The following MAF variants were observed in gnomAD, a reference collection of about 807,000 sequenced individuals.
MAF encodes MAF bZIP transcription factor.
MAF carries 10 observed loss-of-function variants against 22.0 expected under a neutral mutation model. The ratio of observed to expected loss-of-function variants is 0.45; its 90% CI spans 0.28 to 0.77. The LOEUF (loss-of-function observed/expected upper bound fraction) is 0.77. MAF is among the 30% of genes least tolerant of loss of function. The pLI, the probability that MAF is intolerant of heterozygous loss-of-function variation, is 0.12. For missense variants in MAF, 544 were observed against 548.4 expected, an observed-to-expected ratio of 0.99 and a Z score of 0.08; for synonymous variants, 337 against 255.8, an observed-to-expected ratio of 1.32 and a Z score of -3.03.
the MAF span, among the ~76,000 whole-genome samples, chr16:79,398,982 G>A: frequency 6.6e-6 from 1 of 152,166 alleles, no homozygotes; most frequent in Non-Finnish European, 1.5e-5. Context: ...TGGACTGTGG[G>A]TTCCAAAGGG....
At chr16:79,231,074 T>A in the MAF span, among the ~76,000 whole-genome samples, 4 of 152,210 alleles carry the variant, frequency 2.6e-5, no homozygotes, top group East Asian at 7.7e-4. Flanking sequence ...TATAGTCTTA[T>A]TAGTTTTGCC....
the MAF span, among the ~76,000 whole-genome samples, chr16:79,374,258 T>C: frequency 2.0e-5 from 3 of 152,340 alleles, no homozygotes; most frequent in East Asian, 1.9e-4. Flanking sequence ...TTGGAATTAA[T>C]GGTGCCATTT....
At chr16:79,541,091 T>C in the MAF span, among the ~76,000 whole-genome samples, 174 of 152,302 alleles carry the variant, frequency 1.1e-3, 1 homozygote, top group African/African-American at 3.9e-3. Flanking sequence ...CTATTCCTGT[T>C]ACTACTAGAG....
the MAF span, among the ~76,000 whole-genome samples, chr16:79,550,928 G>A: frequency 3.3e-5 from 5 of 152,094 alleles, no homozygotes; most frequent in African/African-American, 1.2e-4. Context: ...CAGCATATGG[G>A]GCCACTGCAG....
the MAF span, among the ~76,000 whole-genome samples, chr16:79,567,319 AG>A: frequency 3.8e-5 from 5 of 132,068 alleles, no homozygotes; most frequent in Non-Finnish European, 3.3e-5. Flanking sequence ...ACTCCACCTC[AG>A]AAAAAAAAAA....
At chr16:79,205,166 CT>C in the MAF span, 1 of 152,300 alleles carries the variant, frequency 6.6e-6, no homozygotes, top group Non-Finnish European at 1.5e-5. Flanking sequence ...ACTCTTCCCC[CT>C]GCATGCGTTT....
the MAF span, among the ~76,000 whole-genome samples, chr16:79,447,744 T>C: frequency 4.0e-5 from 6 of 151,756 alleles, no homozygotes; most frequent in African/African-American, 1.2e-4. Context: ...ACTGCAGATG[T>C]GATGGAATTA....
At chr16:79,540,560 T>C in the MAF span, among the ~76,000 whole-genome samples, 1 of 152,182 alleles carries the variant, frequency 6.6e-6, no homozygotes, top group Non-Finnish European at 1.5e-5. Context: ...ACCCTGCTCA[T>C]GGTCAACAAT....
the MAF span, among the ~76,000 whole-genome samples, chr16:79,488,262 C>A: frequency 1.3e-5 from 2 of 152,132 alleles, no homozygotes; most frequent in African/African-American, 2.4e-5. Context: ...GAAAATCAAA[C>A]CTTGTGAGGA....
At chr16:79,377,140 A>T in the MAF span, among the ~76,000 whole-genome samples, 1 of 152,202 alleles carries the variant, frequency 6.6e-6, no homozygotes, top group African/African-American at 2.4e-5. Flanking sequence ...AGTCCCACCA[A>T]CGGTGTAAAA....
chr16:79,452,009 A>G, the MAF span, among the ~76,000 whole-genome samples: 6 of 151,492 alleles, frequency 4.0e-5, no homozygotes, highest in Non-Finnish European at 7.4e-5. Flanking sequence ...ACCTGGGGCC[A>G]AATCCCATCC....
chr16:79,569,430 T>G, the MAF span, among the ~76,000 whole-genome samples: 1 of 152,172 alleles, frequency 6.6e-6, no homozygotes, highest in South Asian at 2.1e-4. Context: ...GGTCTTTAAC[T>G]CCTCTATCAG....
chr16:79,211,468 C>T, the MAF span: 1 of 1,040,596 alleles, frequency 9.6e-7, no homozygotes, highest in Non-Finnish European at 1.5e-6. Context: ...GCTTTCAGCC[C>T]AGTACCCTTT....
chr16:79,300,992 G>A, the MAF span, among the ~76,000 whole-genome samples: 2 of 151,862 alleles, frequency 1.3e-5, no homozygotes, highest in Non-Finnish European at 2.9e-5. Flanking sequence ...GGGAGGAGAC[G>A]GGAATAAAAG....
At chr16:79,395,176 G>A in the MAF span, among the ~76,000 whole-genome samples, 151 of 152,308 alleles carry the variant, frequency 9.9e-4, no homozygotes, top group African/African-American at 3.2e-3. Flanking sequence ...CGTGTTTTGC[G>A]ATGAGGTTGA....
the MAF span, among the ~76,000 whole-genome samples, chr16:79,545,441 C>A: frequency 6.6e-6 from 1 of 151,912 alleles, no homozygotes; most frequent in African/African-American, 2.4e-5. Context: ...GTGTGGCACC[C>A]ATTTGAGCAT....
the MAF span, among the ~76,000 whole-genome samples, chr16:79,560,637 T>C: frequency 1.3e-5 from 2 of 152,122 alleles, no homozygotes; most frequent in Non-Finnish European, 2.9e-5. Context: ...TTCCATAAGA[T>C]ACTCACTGTC....
chr16:79,569,781 C>T, the MAF span, among the ~76,000 whole-genome samples: 1 of 152,186 alleles, frequency 6.6e-6, no homozygotes, highest in Non-Finnish European at 1.5e-5. Context: ...AAAAGCTTTT[C>T]AGATGATTTT....
chr16:79,578,573 T>G, the MAF span, among the ~76,000 whole-genome samples: 1 of 152,040 alleles, frequency 6.6e-6, no homozygotes, highest in Non-Finnish European at 1.5e-5. Context: ...GACATGGAAA[T>G]ATAAAATGAG....
Sources: gnomAD v4.1 joint callset for allele counts (sites outside exome capture counted in the v4.1 genomes callset) on GRCh38, gnomAD v4.1.1 for gene constraint, MANE v1.5 for transcripts, NCBI Gene and HGNC (gene_info 2026-07-23, HGNC 2026-07-21) for gene names.